Variants in GLDC observed in about 807,000 individuals in gnomAD.
GLDC encodes the protein glycine decarboxylase.
In GLDC, 104 loss-of-function variants were observed where a neutral mutation model predicts 121.3. The ratio of observed to expected loss-of-function variants is 0.86; its 90% CI spans 0.73 to 1.01. The LOEUF (loss-of-function observed/expected upper bound fraction) is 1.01. GLDC is among the 50% of genes least tolerant of loss of function. The pLI, the probability that GLDC is intolerant of heterozygous loss-of-function variation, is 0.00. For missense variants in GLDC, 1,429 were observed against 1,306.6 expected (o/e 1.09, Z -1.44); for synonymous variants, 546 against 480.6 (o/e 1.14, Z -1.78).
chr9:6,542,803 T>C (rs1442020996), intron 21 of GLDC, among the ~76,000 whole-genome samples: 2 of 150,510 alleles, frequency 1.3e-5, no homozygotes, highest in South Asian at 2.1e-4. Flanking sequence ...GGAGAATCAT[T>C]TGAGCCCAGG....
chr9:6,565,609 C>T (rs1817840810), intron 15 of GLDC, 180 bp from the exon 16 acceptor site: 4 of 678,562 alleles, frequency 5.9e-6, no homozygotes, highest in Non-Finnish European at 1.1e-5. Context: ...ACAATCAAAA[C>T]AATCAAAGCA....
chr9:6,643,217 A>C (rs189185954), intron 2 of GLDC, among the ~76,000 whole-genome samples: 1 of 151,948 alleles, frequency 6.6e-6, no homozygotes, highest in Non-Finnish European at 1.5e-5. Context: ...ATTTTCTAAA[A>C]TGGAAATAGA....
chr9:6,634,549 A>G (rs1819460155), intron 2 of GLDC, among the ~76,000 whole-genome samples: 1 of 101,122 alleles, frequency 9.9e-6, no homozygotes, highest in South Asian at 3.4e-4. Context: ...ACAAACAAAC[A>G]AACAAAAAAC....
chr9:6,602,947 G>C (rs1818646979), intron 7 of GLDC, among the ~76,000 whole-genome samples: 1 of 152,036 alleles, frequency 6.6e-6, no homozygotes, highest in Non-Finnish European at 1.5e-5. Flanking sequence ...AATTTTATGA[G>C]CCGCGCATGG....
intron 24 of GLDC, chr9:6,534,182 C>CAA (rs1225665276): frequency 8.8e-4 from 50 of 56,584 alleles, no homozygotes; most frequent in Admixed American, 2.0e-3. Context: ...GACTCCGTCT[C>CAA]AAAAAAAAAA....
chr9:6,620,813 G>C (rs1563865094), intron 2 of GLDC, among the ~76,000 whole-genome samples: 1 of 152,122 alleles, frequency 6.6e-6, no homozygotes. Context: ...TTGTGTCACT[G>C]AAAGGGCAAC....
chr9:6,533,912 C>A (rs1033961635), intron 24 of GLDC, among the ~76,000 whole-genome samples: 1 of 147,684 alleles, frequency 6.8e-6, no homozygotes, highest in South Asian at 2.1e-4. Context: ...AAAATTTGAA[C>A]GATTAAAAAA....
At chr9:6,619,845 G>A (rs947107087) in intron 3 of GLDC, among the ~76,000 whole-genome samples, 1 of 152,176 alleles carries the variant, frequency 6.6e-6, no homozygotes, top group African/African-American at 2.4e-5. Flanking sequence ...GGTCTCCAAG[G>A]AGGAGTAAAG....
intron 8 of GLDC, among the ~76,000 whole-genome samples, chr9:6,600,901 G>A (rs1039918253): frequency 3.9e-5 from 6 of 152,138 alleles, no homozygotes; most frequent in Admixed American, 3.9e-4. Flanking sequence ...ATGGCCAGGT[G>A]CAGTGGCTCA....
intron 3 of GLDC, 74 bp downstream of exon 3, chr9:6,620,110 A>T: frequency 6.8e-7 from 1 of 1,469,452 alleles, no homozygotes; most frequent in Non-Finnish European, 9.5e-7. Flanking sequence ...CTGAGACTGC[A>T]AGGGGACAGA....
At chr9:6,535,272 A>G (rs1228340030) in intron 23 of GLDC, among the ~76,000 whole-genome samples, 2 of 151,944 alleles carry the variant, frequency 1.3e-5, no homozygotes, top group Non-Finnish European at 2.9e-5. Flanking sequence ...GTTTATTGCC[A>G]TTTAAAAAAA....
chr9:6,636,391 G>A (rs1335580507), intron 2 of GLDC, among the ~76,000 whole-genome samples: 1 of 152,168 alleles, frequency 6.6e-6, no homozygotes, highest in Non-Finnish European at 1.5e-5. Context: ...GCTGATAATG[G>A]GAGACTCTAC....
chr9:6,605,402 GC>G, intron 5 of GLDC, 124 bp from the exon 6 acceptor site: 1 of 905,132 alleles, frequency 1.1e-6, no homozygotes, highest in Non-Finnish European at 1.8e-6. Context: ...TCCCACCCCT[GC>G]CCACATCCCG....
chr9:6,562,823 T>C (rs1250944887), intron 16 of GLDC, among the ~76,000 whole-genome samples: 1 of 152,130 alleles, frequency 6.6e-6, no homozygotes, highest in South Asian at 2.1e-4. Context: ...AGCCTCCCAA[T>C]GTGCTGGGAT....
chr9:6,606,780 A>C (rs781623569), intron 4 of GLDC, 111 bp from the exon 5 acceptor site: 11 of 780,518 alleles, frequency 1.4e-5, no homozygotes, highest in Non-Finnish European at 2.1e-5. Context: ...CAGTATAAAA[A>C]ATACTGAGTA....
intron 22 of GLDC, among the ~76,000 whole-genome samples, chr9:6,539,678 G>C (rs1817214750): frequency 6.6e-6 from 1 of 152,156 alleles, no homozygotes; most frequent in South Asian, 2.1e-4. Flanking sequence ...AGAAGCAGCT[G>C]AAACAGCTAC....
At chr9:6,568,726 G>C (rs1817897929) in intron 15 of GLDC, 1 of 152,254 alleles carries the variant, frequency 6.6e-6, no homozygotes, top group African/African-American at 2.4e-5. Context: ...GTGCATGCCT[G>C]TAATCCAGAC....
At chr9:6,632,369 A>G (rs1819402372) in intron 2 of GLDC, among the ~76,000 whole-genome samples, 1 of 152,254 alleles carries the variant, frequency 6.6e-6, no homozygotes, top group African/African-American at 2.4e-5. Context: ...TGCAGTGTCT[A>G]CAATAATTTC....
chr9:6,571,519 A>G (rs941891244), intron 15 of GLDC, among the ~76,000 whole-genome samples: 1 of 152,172 alleles, frequency 6.6e-6, no homozygotes, highest in African/African-American at 2.4e-5. Flanking sequence ...GTGCCACTGT[A>G]CGATTTCACT....
Sources: gnomAD v4.1 joint callset for allele counts (sites outside exome capture counted in the v4.1 genomes callset) on GRCh38, gnomAD v4.1.1 for gene constraint, MANE v1.5 for transcripts, NCBI Gene and HGNC (gene_info 2026-07-23, HGNC 2026-07-21) for gene names.